The following NVL variants were observed in gnomAD, a reference collection of about 807,000 sequenced individuals.
NVL encodes the protein nuclear valosin-containing protein-like.
NVL carries 84 observed loss-of-function variants against 110.2 expected under a neutral mutation model. The ratio of observed to expected loss-of-function variants is 0.76; its 90% CI spans 0.64 to 0.91. NVL has a LOEUF of 0.91. Among genes scored for constraint, NVL ranks in the 40% least tolerant of loss-of-function variants. The pLI, the probability that NVL is intolerant of heterozygous loss-of-function variation, is 0.00. For missense variants in NVL, 882 were observed against 1,035.9 expected, an observed-to-expected ratio of 0.85 and a Z score of 2.04; for synonymous variants, 354 against 361.1, an observed-to-expected ratio of 0.98 and a Z score of 0.22.
intron 17 of NVL, among the ~76,000 whole-genome samples, chr1:224,269,087 T>G (rs1285290682): frequency 7.3e-6 from 1 of 137,908 alleles, no homozygotes; most frequent in Non-Finnish European, 1.5e-5. Context: ...AGACTAACTT[T>G]TTTTTTTTTT....
At chr1:224,294,014 A>C (rs1290211933) in intron 12 of NVL, among the ~76,000 whole-genome samples, 2 of 152,162 alleles carry the variant, frequency 1.3e-5, no homozygotes, top group East Asian at 3.9e-4. Context: ...TATGTTGCCC[A>C]GGCTCAAAAT....
intron 19 of NVL, among the ~76,000 whole-genome samples, chr1:224,248,691 G>A (rs559965851): frequency 2.0e-5 from 3 of 152,350 alleles, no homozygotes; most frequent in African/African-American, 7.2e-5. Flanking sequence ...GAAAGTGGCT[G>A]ATAATTAGGC....
intron 10 of NVL, 147 bp from the exon 11 acceptor site, chr1:224,296,765 T>A (rs1667922291): frequency 1.9e-6 from 1 of 532,250 alleles, no homozygotes; most frequent in African/African-American, 1.9e-5. Flanking sequence ...TCACATGTGT[T>A]ACTTCTGATT....
chr1:224,277,871 G>C (rs1665923905), intron 16 of NVL, among the ~76,000 whole-genome samples: 1 of 152,128 alleles, frequency 6.6e-6, no homozygotes, highest in African/African-American at 2.4e-5. Flanking sequence ...TCTTCCCTTG[G>C]TTTTCAGGCT....
chr1:224,318,048 C>T (rs1670267428), intron 2 of NVL, 118 bp from the exon 3 acceptor site: 3 of 603,678 alleles, frequency 5.0e-6, no homozygotes, highest in Non-Finnish European at 8.3e-6. Context: ...AGTATAGACA[C>T]TTGCCATAAC....
intron 2 of NVL, among the ~76,000 whole-genome samples, chr1:224,320,484 T>C (rs1572066614): frequency 1.3e-5 from 2 of 151,850 alleles, no homozygotes; most frequent in East Asian, 3.9e-4. Context: ...CCATCTCTAC[T>C]AAAAATACAA....
At position 224,328,317 on chromosome 1, in the gene NVL, C is replaced by T. The variant is rs150143400; in HGVS notation, c.57+1754G>A. On this transcript the variant is annotated intron_variant, in intron 1 of 22. Coordinates refer to ENST00000281701, the MANE Select transcript of NVL (RefSeq NM_002533.4). ...GGCAGATCACCTGAGGTCAGGAGTT[C>T]GAGACTAGCCTGGCCAACATGGTGA... Among the ~76,000 whole-genome samples the T allele has an allele frequency of 6.3e-3, 950 of 151,888 alleles. 6 individuals are homozygous for T. Among genetic ancestry groups the T allele is most frequent in the African/African-American group, 0.021 (889 of 41,408 alleles).
chr1:224,288,087 TA>T (rs1667038912), intron 13 of NVL, 94 bp from the exon 14 acceptor site: 5 of 886,126 alleles, frequency 5.6e-6, no homozygotes, highest in African/African-American at 1.7e-5. Flanking sequence ...ATTACTGTAA[TA>T]TTTCCGTAAG....
chr1:224,253,900 T>TA (rs1361453435), intron 18 of NVL, among the ~76,000 whole-genome samples: 1 of 152,204 alleles, frequency 6.6e-6, no homozygotes, highest in Non-Finnish European at 1.5e-5. Flanking sequence ...CTAAGGTTTG[T>TA]AGTGCTTACT....
At chr1:224,307,921 ATAT>A in intron 6 of NVL, 67 bp downstream of exon 6, 1 of 1,413,044 alleles carries the variant, frequency 7.1e-7, no homozygotes, top group Non-Finnish European at 9.5e-7. Context: ...TATCTGATTG[ATAT>A]TATATTCAAC....
Position 224,303,435 on chromosome 1 carries a change from C to CAA in NVL, c.960+286_960+287dup, listed in dbSNP as rs397967411. Among the ~76,000 whole-genome samples the CAA allele has an allele frequency of 4.8e-3, 502 of 105,152 alleles. 2 individuals are homozygous for CAA. Among genetic ancestry groups the CAA allele is most frequent in the African/African-American group, 0.016 (460 of 28,448 alleles). 69.0% of individuals were successfully genotyped at this position (105,152 alleles called of 152,430 possible). The stretch of plus-strand genomic sequence containing the variant: ...GGGTGACAGAGTGAGACTCTGTCTC[C>CAA]AAAAAAAAAAAAACTGTATTATTTT... On this transcript the variant is annotated intron_variant, in intron 9 of 22. Coordinates refer to ENST00000281701, the MANE Select transcript of NVL (RefSeq NM_002533.4).
In NVL at chr1:224,305,138, C is replaced by T; in HGVS notation, c.644G>A (p.Ser215Asn). The T allele has an allele frequency of 2.5e-6, 4 of 1,613,128 alleles. No homozygotes were observed. Among genetic ancestry groups the T allele is most frequent in the Non-Finnish European group, 3.4e-6 (4 of 1,179,790 alleles). ...QDSKDSSLLE[S>N]DMKRKGKLKN... is the part of the protein sequence containing the mutation. Reference sequence around the variant, plus strand: ...TAGCTTGCCTTTCCGTTTCATATCACTCTCCAAAAGAGAAGAATCTTTTGA... The same window carrying T: ...TAGCTTGCCTTTCCGTTTCATATCATTCTCCAAAAGAGAAGAATCTTTTGA... Residue 215 changes from serine to asparagine, a missense_variant, in exon 7 of 23, where the codon AGT becomes AAT. Coordinates refer to ENST00000281701, the MANE Select transcript of NVL (RefSeq NM_002533.4).
chr1:224,328,157 G>T (rs140827364), intron 1 of NVL, among the ~76,000 whole-genome samples: 1 of 152,144 alleles, frequency 6.6e-6, no homozygotes, highest in African/African-American at 2.4e-5. Flanking sequence ...GTGCCATGGT[G>T]GTTTCCTGCA....
chr1:224,243,730 C>T (rs1014382669), intron 19 of NVL, among the ~76,000 whole-genome samples: 3 of 148,170 alleles, frequency 2.0e-5, no homozygotes, highest in Admixed American at 1.4e-4. Context: ...GGTACAATCT[C>T]GGCTCACTGC....
intron 18 of NVL, among the ~76,000 whole-genome samples, chr1:224,258,036 C>T (rs981639465): frequency 5.9e-5 from 9 of 152,048 alleles, no homozygotes; most frequent in Middle Eastern, 3.4e-3. Context: ...AAATTGCAAG[C>T]GGTAAAAGAC....
chr1:224,274,496 G>T (rs940807049), intron 17 of NVL, among the ~76,000 whole-genome samples: 1 of 151,540 alleles, frequency 6.6e-6, no homozygotes, highest in Non-Finnish European at 1.5e-5. Flanking sequence ...AATTAGCCAG[G>T]CATGGTGGCG....
At chr1:224,269,399 A>G (rs1426323368) in intron 17 of NVL, among the ~76,000 whole-genome samples, 1 of 152,180 alleles carries the variant, frequency 6.6e-6, no homozygotes, top group Non-Finnish European at 1.5e-5. Flanking sequence ...ACTAATGTTA[A>G]TAAGTTCTGA....
intron 20 of NVL, among the ~76,000 whole-genome samples, chr1:224,233,623 G>C (rs1660147841): frequency 6.6e-6 from 1 of 152,160 alleles, no homozygotes; most frequent in Admixed American, 6.5e-5. Context: ...GCTGGGCATG[G>C]TGGCATGCAC....
intron 19 of NVL, 194 bp from the exon 20 acceptor site, chr1:224,236,776 T>C: frequency 2.1e-6 from 1 of 467,378 alleles, no homozygotes; most frequent in South Asian, 2.0e-5. Flanking sequence ...CTGGGCGTTA[T>C]GGTATGCACC....
Sources: allele counts gnomAD v4.1 joint callset (sites outside exome capture counted in the v4.1 genomes callset), GRCh38; gene constraint gnomAD v4.1.1; transcripts MANE v1.5; gene names NCBI Gene and HGNC (gene_info 2026-07-23, HGNC 2026-07-21).